The following SLC15A2 variants were observed in gnomAD, a reference collection of about 807,000 sequenced individuals.
SLC15A2 encodes the protein kidney H(+)/peptide cotransporter.
In SLC15A2, 77 loss-of-function variants were observed where a neutral mutation model predicts 95.5. That is an observed-to-expected ratio of 0.81 (90% CI 0.67 to 0.97). The LOEUF is 0.97. Ranked by LOEUF, SLC15A2 falls within the 50% of genes least tolerant of loss-of-function variation. The pLI is 0.00. For missense variants in SLC15A2, 893 were observed against 874.4 expected (o/e 1.02, Z -0.27); for synonymous variants, 306 against 306.9 (o/e 1.00, Z 0.03).
Position 121,940,980 on chromosome 3 carries a change from A to G in SLC15A2, c.2163A>G (p.Lys721=), listed in dbSNP as rs764801993. ...CTCACATCCAGGGGAACATGATCAA[A>G]CTAGAGACCAAGAAGACAAAACTCT... ...HIPHIQGNMI[K]LETKKTKL The change falls in exon 22 of 22, where the codon AAA becomes AAG. Residue 721 remains lysine, a synonymous_variant. Transcript: ENST00000489711. 6.2e-7 allele frequency: 1 copy of G among 1,613,802 alleles called. No homozygotes were observed. Among genetic ancestry groups the G allele is most frequent in the South Asian group, 1.1e-5 (1 of 90,964 alleles).
chr3:121,908,358 C>T (rs1266807151), intron 3 of SLC15A2, among the ~76,000 whole-genome samples: 3 of 152,340 alleles, frequency 2.0e-5, no homozygotes, highest in East Asian at 3.9e-4. Flanking sequence ...AATGCTCCAC[C>T]CTGCTTCAGC....
At chr3:121,933,866 G>T (rs1349308005) in intron 19 of SLC15A2, among the ~76,000 whole-genome samples, 1 of 147,528 alleles carries the variant, frequency 6.8e-6, no homozygotes, top group African/African-American at 2.5e-5. Context: ...GTAATGCCTA[G>T]GTTTTCTTCT....
chr3:121,899,228 A>G (rs1488495458), intron 3 of SLC15A2, among the ~76,000 whole-genome samples: 1 of 152,204 alleles, frequency 6.6e-6, no homozygotes, highest in Non-Finnish European at 1.5e-5. Context: ...TCTCAAATCA[A>G]TCCTTCTTGA....
chr3:121,924,835 C>A, intron 12 of SLC15A2, 110 bp from the exon 13 acceptor site: 1 of 805,614 alleles, frequency 1.2e-6, no homozygotes, highest in Non-Finnish European at 2.2e-6. Context: ...CTTACAATGA[C>A]AAAAGTGTGT....
At position 121,907,998 on chromosome 3, in the gene SLC15A2, A is replaced by C. The variant is rs182139277; in HGVS notation, c.336-3576A>C. 1.2e-3 allele frequency among the ~76,000 whole-genome samples: 190 copies of C among 152,360 alleles called. 2 individuals carry two copies. The highest frequency in any genetic ancestry group is 2.0e-3 in the Non-Finnish European group (135 of 68,032). On this transcript the variant is annotated intron_variant, in intron 3 of 21. Coordinates refer to ENST00000489711, the MANE Select transcript of SLC15A2 (RefSeq NM_021082.4). ...GACCCCAGAGGTGGGTGGGGTCTAC[A>C]GAGGCAGCAGGCCTTGCAGAGCTGC...
At chr3:121,904,763 T>C (rs1038610394) in intron 3 of SLC15A2, among the ~76,000 whole-genome samples, 15 of 152,274 alleles carry the variant, frequency 9.9e-5, no homozygotes, top group African/African-American at 2.9e-4. Context: ...CAGTATTTTA[T>C]TGAGGATTTT....
At chr3:121,906,765 G>A (rs538656172) in intron 3 of SLC15A2, among the ~76,000 whole-genome samples, 3 of 152,272 alleles carry the variant, frequency 2.0e-5, no homozygotes, top group Non-Finnish European at 4.4e-5. Context: ...TGGGTAACCC[G>A]ACCTTTCTCT....
chr3:121,906,566 T>A (rs1709649520), intron 3 of SLC15A2, among the ~76,000 whole-genome samples: 1 of 152,206 alleles, frequency 6.6e-6, no homozygotes, highest in Admixed American at 6.5e-5. Context: ...GGTGACAAAA[T>A]CTCTTAGCAT....
chr3:121,911,326 G>T (rs1709761777), intron 3 of SLC15A2, among the ~76,000 whole-genome samples: 1 of 152,148 alleles, frequency 6.6e-6, no homozygotes, highest in South Asian at 2.1e-4. Flanking sequence ...GTGGGTATAG[G>T]AAGGGAACTT....
At chr3:121,915,353 T>C (rs1485834859) in intron 6 of SLC15A2, 36 bp downstream of exon 6, 2 of 1,443,968 alleles carry the variant, frequency 1.4e-6, no homozygotes, top group Non-Finnish European at 2.0e-6. Flanking sequence ...TATAAGGCTT[T>C]GCTCTGGTCA....
chr3:121,931,536 C>A, intron 18 of SLC15A2, 103 bp from the exon 19 acceptor site: 1 of 659,074 alleles, frequency 1.5e-6, no homozygotes, highest in Non-Finnish European at 2.7e-6. Context: ...GGCTTCACTG[C>A]TTTCCTCACC....
chr3:121,901,844 T>TC (rs1709526182), intron 3 of SLC15A2, among the ~76,000 whole-genome samples: 2 of 127,072 alleles, frequency 1.6e-5, no homozygotes, highest in Non-Finnish European at 3.5e-5. Flanking sequence ...TGAGTATGTG[T>TC]TTGTGTGTGT....
At chr3:121,926,784 G>A (rs551628685) in intron 13 of SLC15A2, among the ~76,000 whole-genome samples, 1 of 152,332 alleles carries the variant, frequency 6.6e-6, no homozygotes, top group Admixed American at 6.5e-5. Context: ...AAAACCACGG[G>A]CACTCAACAA....
intron 3 of SLC15A2, among the ~76,000 whole-genome samples, chr3:121,899,326 A>T (rs1481558463): frequency 2.0e-5 from 3 of 152,116 alleles, no homozygotes; most frequent in African/African-American, 7.2e-5. Context: ...GTACACCTTG[A>T]TCAGTTTTTA....
chr3:121,932,004 A>G (rs1350875919), intron 19 of SLC15A2, among the ~76,000 whole-genome samples: 1 of 152,032 alleles, frequency 6.6e-6, no homozygotes, highest in Non-Finnish European at 1.5e-5. Context: ...GGTTAAAGTG[A>G]TTCTCCTGCC....
At chr3:121,928,673 T>C in intron 15 of SLC15A2, 118 bp downstream of exon 15, 1 of 1,136,740 alleles carries the variant, frequency 8.8e-7, no homozygotes, top group Non-Finnish European at 1.2e-6. Flanking sequence ...TTTGAGCACA[T>C]GATTTTAATG....
chr3:121,943,786 A>G lies in SLC15A2; in HGVS notation c.*2779A>G, dbSNP rs1240071532. On this transcript the variant is annotated 3_prime_UTR_variant, in exon 22 of 22. Transcript: ENST00000489711. ...TACACATCTAAGTTATATGGTATAG[A>G]CTGTTTCTCCAGCTATATGGTGTAG... 1 of 152,218 alleles carries G rather than the reference A, an allele frequency of 6.6e-6. No individual in the cohort carries two copies. The highest frequency in any genetic ancestry group is 2.4e-5 in the African/African-American group (1 of 41,460). 9.4% of individuals were successfully genotyped at this position (152,218 alleles called of 1,614,324 possible).
chr3:121,901,830 T>C (rs1485820138), intron 3 of SLC15A2, among the ~76,000 whole-genome samples: 1 of 145,592 alleles, frequency 6.9e-6, no homozygotes, highest in East Asian at 2.1e-4. Flanking sequence ...TATGTTTCTC[T>C]GCCTGAGTAT....
intron 3 of SLC15A2, among the ~76,000 whole-genome samples, chr3:121,905,574 A>G (rs1709621119): frequency 1.3e-5 from 2 of 152,190 alleles, no homozygotes; most frequent in Admixed American, 1.3e-4. Context: ...GTTTCAAAGG[A>G]CATCTTTATT....
Sources: gnomAD v4.1 joint callset for allele counts (sites outside exome capture counted in the v4.1 genomes callset) on GRCh38, gnomAD v4.1.1 for gene constraint, MANE v1.5 for transcripts, NCBI Gene and HGNC (gene_info 2026-07-23, HGNC 2026-07-21) for gene names.